Variants in APBB2 observed in about 807,000 individuals in gnomAD.
APBB2 encodes Fe65-like 1.
A neutral mutation model predicts 82.5 loss-of-function variants in APBB2; 38 were observed. The observed-to-expected ratio is 0.46, with a 90% CI of 0.36 to 0.60. APBB2 has a LOEUF of 0.60. APBB2 is among the 20% of genes least tolerant of loss of function. APBB2 has a pLI of 0.00. For missense variants in APBB2, 772 were observed against 972.3 expected, an observed-to-expected ratio of 0.79 and a Z score of 2.74; for synonymous variants, 341 against 368.2, an observed-to-expected ratio of 0.93 and a Z score of 0.85.
At chr4:41,153,819 T>C (rs1367421569) in intron 1 of APBB2, among the ~76,000 whole-genome samples, 3 of 152,210 alleles carry the variant, frequency 2.0e-5, no homozygotes, top group Non-Finnish European at 4.4e-5. Flanking sequence ...TTATCTGTCA[T>C]GATAAATTAA....
intron 12 of APBB2, among the ~76,000 whole-genome samples, chr4:40,855,608 C>T (rs1760934631): frequency 6.6e-6 from 1 of 152,010 alleles, no homozygotes; most frequent in Non-Finnish European, 1.5e-5. Flanking sequence ...TGGTGGTGTG[C>T]ACTTATAGTC....
At chr4:41,185,312 A>C (rs1772593813) in intron 1 of APBB2, among the ~76,000 whole-genome samples, 1 of 152,176 alleles carries the variant, frequency 6.6e-6, no homozygotes, top group Non-Finnish European at 1.5e-5. Flanking sequence ...ATTTCAGAGA[A>C]TCTTAAAAAC....
chr4:40,890,614 G>T, intron 11 of APBB2, 123 bp from the exon 12 acceptor site: 1 of 1,322,922 alleles, frequency 7.6e-7, no homozygotes, highest in South Asian at 1.5e-5. Context: ...TCTGTAATTT[G>T]TCTGCCTAAG....
chr4:40,927,544 G>A (rs1398372738), intron 10 of APBB2, among the ~76,000 whole-genome samples: 2 of 152,076 alleles, frequency 1.3e-5, no homozygotes, highest in Non-Finnish European at 2.9e-5. Context: ...TGCAGTGGCC[G>A]ATCATGGCTC....
chr4:41,036,935 C>G (rs1336829133), intron 4 of APBB2, among the ~76,000 whole-genome samples: 1 of 152,158 alleles, frequency 6.6e-6, no homozygotes, highest in Non-Finnish European at 1.5e-5. Flanking sequence ...CAAAGCAGCA[C>G]TTGGAAAATA....
intron 10 of APBB2, among the ~76,000 whole-genome samples, chr4:40,922,783 G>A (rs1302916778): frequency 7.0e-6 from 1 of 143,654 alleles, no homozygotes; most frequent in Non-Finnish European, 1.5e-5. Flanking sequence ...GCTAAATTTT[G>A]TATTTTTTTT....
chr4:40,992,183 G>GTT (rs1002975028), intron 6 of APBB2, among the ~76,000 whole-genome samples: 7 of 151,220 alleles, frequency 4.6e-5, no homozygotes, highest in Non-Finnish European at 1.0e-4. Flanking sequence ...TTTGTTGCTT[G>GTT]TTTTTAAGAG....
At chr4:41,107,463 A>T (rs188261909) in intron 2 of APBB2, among the ~76,000 whole-genome samples, 8 of 152,358 alleles carry the variant, frequency 5.3e-5, no homozygotes, top group Admixed American at 5.2e-4. Flanking sequence ...AGAAAATCCC[A>T]CTTTGCAACT....
intron 12 of APBB2, among the ~76,000 whole-genome samples, chr4:40,843,180 A>G (rs1359141093): frequency 1.3e-5 from 2 of 152,256 alleles, no homozygotes; most frequent in Middle Eastern, 6.3e-3. Flanking sequence ...ACCGAAGAGC[A>G]TGGAGCACTG....
chr4:40,908,014 GGT>G (rs558365424), intron 10 of APBB2, among the ~76,000 whole-genome samples: 18 of 151,176 alleles, frequency 1.2e-4, no homozygotes, highest in African/African-American at 3.4e-4. Context: ...ATGTGTATGT[GGT>G]GTGTGTGTGT....
rs139709408 is a variant in APBB2 at position 41,147,651 on chromosome 4, T to A, written c.-416-4509A>T. Among the ~76,000 whole-genome samples the A allele has an allele frequency of 2.7e-3, 407 of 152,148 alleles. 3 individuals are homozygous for A. Among genetic ancestry groups the A allele is most frequent in the African/African-American group, 8.8e-3 (366 of 41,492 alleles). On this transcript the variant is annotated intron_variant, in intron 1 of 17. Coordinates refer to ENST00000508593, the MANE Select transcript of APBB2 (RefSeq NM_004307.2). The stretch of plus-strand genomic sequence containing the variant: ...GATTACAGGCGCGCACCACCACACC[T>A]GGCTAATTTTGTAGTTTTAGTAGAG...
chr4:41,112,248 T>C (rs1749438506), intron 2 of APBB2, among the ~76,000 whole-genome samples: 1 of 152,246 alleles, frequency 6.6e-6, no homozygotes, highest in Non-Finnish European at 1.5e-5. Context: ...CCGACCTCTC[T>C]TCAGTGGAGT....
intron 10 of APBB2, among the ~76,000 whole-genome samples, chr4:40,896,520 G>A (rs1257847662): frequency 6.6e-6 from 1 of 152,188 alleles, no homozygotes; most frequent in Non-Finnish European, 1.5e-5. Context: ...TTACTTCAGA[G>A]GGTTTTCATG....
intron 1 of APBB2, among the ~76,000 whole-genome samples, chr4:41,162,562 TAAGAG>T (rs1765452711): frequency 1.3e-5 from 2 of 152,154 alleles, no homozygotes. Context: ...TAAAATAATT[TAAGAG>T]AACAGGCAAG....
chr4:41,202,263 C>A (rs1380676390), intron 1 of APBB2, among the ~76,000 whole-genome samples: 1 of 152,184 alleles, frequency 6.6e-6, no homozygotes, highest in Non-Finnish European at 1.5e-5. Context: ...ATTCTACTGT[C>A]TGTCTCTAAA....
chr4:41,178,559 G>A (rs556044546), intron 1 of APBB2, among the ~76,000 whole-genome samples: 1 of 152,308 alleles, frequency 6.6e-6, no homozygotes, highest in South Asian at 2.1e-4. Flanking sequence ...ACAGTGCATG[G>A]CCCGAGGCAG....
intron 6 of APBB2, among the ~76,000 whole-genome samples, chr4:40,977,961 C>T (rs767936761): frequency 3.3e-5 from 5 of 152,186 alleles, no homozygotes; most frequent in Non-Finnish European, 2.9e-5. Flanking sequence ...CAATCAGAGG[C>T]TTCATGGTAG....
intron 2 of APBB2, among the ~76,000 whole-genome samples, chr4:41,136,510 A>C (rs1757604441): frequency 1.3e-5 from 2 of 152,194 alleles, no homozygotes; most frequent in South Asian, 4.1e-4. Context: ...ACTTCCCAGG[A>C]AAGTAAAAGG....
At chr4:40,879,070 G>C (rs1767658035) in intron 12 of APBB2, among the ~76,000 whole-genome samples, 1 of 152,016 alleles carries the variant, frequency 6.6e-6, no homozygotes, top group African/African-American at 2.4e-5. Flanking sequence ...AGAATTCCCA[G>C]TTGAAGTTAT....
Sources: allele counts gnomAD v4.1 joint callset (sites outside exome capture counted in the v4.1 genomes callset), GRCh38; gene constraint gnomAD v4.1.1; transcripts MANE v1.5; gene names NCBI Gene and HGNC (gene_info 2026-07-23, HGNC 2026-07-21).